The following DCDC2C variants were observed in gnomAD, a reference collection of about 807,000 sequenced individuals.
DCDC2C encodes the protein doublecortin domain containing 2C, also known as doublecortin domain-containing protein 2C.
In DCDC2C, 44 loss-of-function variants were observed where a neutral mutation model predicts 45.0. The observed-to-expected ratio is 0.98, with a 90% CI of 0.77 to 1.26. The LOEUF (loss-of-function observed/expected upper bound fraction) is 1.26, where lower values mean the gene tolerates loss of function less well. DCDC2C is among the 50% of genes most tolerant of loss of function. The probability of loss-of-function intolerance (pLI) is 0.00; values close to 1 mark genes in which losing one functional copy is unlikely to be tolerated. For synonymous variants in DCDC2C, 187 were observed against 178.8 expected, an observed-to-expected ratio of 1.05 and a Z score of -0.37; for missense variants, 447 against 468.9, an observed-to-expected ratio of 0.95 and a Z score of 0.43.
At position 3,709,249 on chromosome 2, in the gene DCDC2C, T is replaced by G. The variant is rs147331308; in HGVS notation, c.339+649T>G. Reference sequence around the variant, plus strand: ...TTTGAGGGTATCTACTTCTCTAAGTTGCAATGTTGCTGTTCTTAAATTTCC... The same window carrying G: ...TTTGAGGGTATCTACTTCTCTAAGTGGCAATGTTGCTGTTCTTAAATTTCC... On this transcript the variant is annotated intron_variant, in intron 2 of 10. Coordinates refer to ENST00000399143, the MANE Select transcript of DCDC2C (RefSeq NM_001287444.2). Among the ~76,000 whole-genome samples the G allele has an allele frequency of 9.7e-3, 1,476 of 152,346 alleles. 24 individuals carry two copies. Among genetic ancestry groups the G allele is most frequent in the African/African-American group, 0.033 (1,386 of 41,578 alleles).
intron 10 of DCDC2C, among the ~76,000 whole-genome samples, chr2:3,801,554 G>T: frequency 6.6e-6 from 1 of 152,348 alleles, no homozygotes; most frequent in Middle Eastern, 3.4e-3. Context: ...CACATCAGTA[G>T]AAAAATGACA....
chr2:3,718,909 C>A (rs1216089189), intron 2 of DCDC2C, among the ~76,000 whole-genome samples: 2 of 152,086 alleles, frequency 1.3e-5, no homozygotes. Flanking sequence ...AGCTACAGAG[C>A]GCTGATTAGT....
intron 2 of DCDC2C, among the ~76,000 whole-genome samples, chr2:3,718,094 G>T (rs1470381080): frequency 6.6e-6 from 1 of 152,208 alleles, no homozygotes; most frequent in East Asian, 1.9e-4. Context: ...GCCAGGAGTG[G>T]TGTTGGTCTT....
rs1172368757 is a variant in DCDC2C, at chr2:3,761,884, T to A, written c.727-5870T>A. ...TAGCATTAAAATATAGCTGGATTAA[T>A]TGAAATAGGCTCTGGAGAAAAATAA... On this transcript the variant is annotated intron_variant, in intron 6 of 10. Coordinates refer to ENST00000399143, the MANE Select transcript of DCDC2C (RefSeq NM_001287444.2). This position sits in a 1 kb window ranked among gnomAD's most constrained non-coding sequence, Gnocchi z 4.3. 6.6e-6 allele frequency among the ~76,000 whole-genome samples: 1 copy of A among 152,208 alleles called. No homozygotes were observed. The highest frequency in any genetic ancestry group is 1.5e-5 in the Non-Finnish European group (1 of 68,038).
At position 3,807,248 on chromosome 2, in the gene DCDC2C, C is replaced by T. The variant is rs1169662355; in HGVS notation, c.1065+22148C>T. Among the ~76,000 whole-genome samples, 3 of 152,316 alleles carry T rather than the reference C, an allele frequency of 2.0e-5. No homozygotes were observed. In the East Asian group the frequency reaches 5.8e-4, roughly 29 times the overall value. On this transcript the variant is annotated intron_variant, in intron 10 of 10. Transcript: ENST00000399143. ...GCTTTCTCACTTCCAAATTTCCCCC[C>T]TTGCCTTTCTAGATGCTCAGCTGCT...
intron 10 of DCDC2C, among the ~76,000 whole-genome samples, chr2:3,843,446 C>T (rs1016352802): frequency 4.6e-5 from 7 of 152,314 alleles, no homozygotes; most frequent in African/African-American, 9.6e-5. Context: ...CAAGGCTTCT[C>T]GCTGAAGACC....
intron 1 of DCDC2C, among the ~76,000 whole-genome samples, chr2:3,704,324 G>T (rs1425994023): frequency 6.6e-6 from 1 of 150,504 alleles, no homozygotes; most frequent in African/African-American, 2.4e-5. Flanking sequence ...CCAGGAGGGC[G>T]TGGGGGAGGG....
intron 10 of DCDC2C, among the ~76,000 whole-genome samples, chr2:3,841,048 C>A (rs11123617): frequency 6.6e-6 from 1 of 152,188 alleles, no homozygotes; most frequent in Non-Finnish European, 1.5e-5. Context: ...GGCACAATCT[C>A]TCAGTCAACA....
rs115101791 is a variant in DCDC2C at position 3,802,197 on chromosome 2, T to A, written c.1065+17097T>A. ...ATAAACTGCTGCCATGTCATCCCTT[T>A]CTTCTATCTTTAGCCAATCCTGGGG... On this transcript the variant is annotated intron_variant, in intron 10 of 10. Coordinates refer to ENST00000399143, the MANE Select transcript of DCDC2C (RefSeq NM_001287444.2). Among the ~76,000 whole-genome samples the A allele has an allele frequency of 4.9e-3, 743 of 152,298 alleles. 5 individuals are homozygous for A. Among genetic ancestry groups the A allele is most frequent in the Non-Finnish European group, 7.4e-3 (503 of 68,018 alleles).
intron 10 of DCDC2C, among the ~76,000 whole-genome samples, chr2:3,826,878 C>G (rs1302871022): frequency 6.6e-6 from 1 of 152,044 alleles, no homozygotes; most frequent in Non-Finnish European, 1.5e-5. Context: ...ATCTCTGTGG[C>G]CTTCCTCCCT....
At chr2:3,756,574 A>G (rs1669723598) in intron 6 of DCDC2C, among the ~76,000 whole-genome samples, 1 of 152,234 alleles carries the variant, frequency 6.6e-6, no homozygotes, top group Non-Finnish European at 1.5e-5. Context: ...GGGTGAGCCC[A>G]GCCTGCACTT....
At chr2:3,797,287 T>A (rs1478415855) in intron 10 of DCDC2C, among the ~76,000 whole-genome samples, 1 of 152,168 alleles carries the variant, frequency 6.6e-6, no homozygotes, top group Non-Finnish European at 1.5e-5. Flanking sequence ...TTGCTAGTGG[T>A]CTATCAATTT....
intron 10 of DCDC2C, among the ~76,000 whole-genome samples, chr2:3,826,910 C>T (rs890807512): frequency 2.0e-5 from 3 of 152,148 alleles, no homozygotes; most frequent in South Asian, 2.1e-4. Flanking sequence ...TCCGTCCCTC[C>T]ATCCCTCCCT....
chr2:3,727,211 GC>G (rs1668715477), intron 3 of DCDC2C, 132 bp downstream of exon 3: 1 of 679,752 alleles, frequency 1.5e-6, no homozygotes, highest in African/African-American at 1.9e-5. Flanking sequence ...GCTCTCTTGT[GC>G]TCTCACTTCC....
intron 10 of DCDC2C, among the ~76,000 whole-genome samples, chr2:3,802,038 C>A (rs1156527671): frequency 6.6e-6 from 1 of 152,210 alleles, no homozygotes; most frequent in South Asian, 2.1e-4. Context: ...TATGTGAGAT[C>A]AATTCAGAAG....
chr2:3,811,269 G>T (rs1572634472), intron 10 of DCDC2C, among the ~76,000 whole-genome samples: 1 of 152,126 alleles, frequency 6.6e-6, no homozygotes, highest in South Asian at 2.1e-4. Context: ...GCAGTGGTTT[G>T]TAGTTCTCCT....
chr2:3,808,130 G>T (rs1572632863), intron 10 of DCDC2C, among the ~76,000 whole-genome samples: 3 of 152,160 alleles, frequency 2.0e-5, no homozygotes, highest in Non-Finnish European at 2.9e-5. Context: ...ATATAGTTTT[G>T]CAACTGTACA....
At chr2:3,705,708 G>A (rs10176343) in intron 1 of DCDC2C, among the ~76,000 whole-genome samples, 1 of 152,016 alleles carries the variant, frequency 6.6e-6, no homozygotes, top group African/African-American at 2.4e-5. Flanking sequence ...TAACCAGACC[G>A]TGTTGTACCT....
chr2:3,732,278 T>C (rs545168327), intron 3 of DCDC2C, among the ~76,000 whole-genome samples: 1 of 152,146 alleles, frequency 6.6e-6, no homozygotes, highest in South Asian at 2.1e-4. Flanking sequence ...AGAAGCCAAC[T>C]GTGTCATGGC....
Sources: allele counts gnomAD v4.1 joint callset (sites outside exome capture counted in the v4.1 genomes callset), GRCh38; gene constraint gnomAD v4.1.1; non-coding constraint Gnocchi (gnomAD v3.1); transcripts MANE v1.5; gene names NCBI Gene and HGNC (gene_info 2026-07-23, HGNC 2026-07-21).